SYNPR: variants seen among roughly 807,000 people sequenced by gnomAD.
SYNPR encodes the protein synaptoporin.
Under a neutral mutation model 32.9 loss-of-function variants are expected in SYNPR, and 23 were observed. The observed-to-expected ratio is 0.70, with a 90% CI of 0.50 to 0.99. The LOEUF is 0.99. Among genes scored for constraint, SYNPR ranks in the 50% least tolerant of loss-of-function variants. The pLI is 0.00. For missense variants in SYNPR, 318 were observed against 349.3 expected (o/e 0.91, Z 0.71); for synonymous variants, 146 against 135.9 (o/e 1.07, Z -0.52).
chr3:63,398,458 C>T (rs1025177378), intron 2 of SYNPR, among the ~76,000 whole-genome samples: 6 of 151,942 alleles, frequency 3.9e-5, no homozygotes, highest in Admixed American at 6.6e-5. Context: ...CGGTGGCTCA[C>T]GCCTGTAATC....
intron 3 of SYNPR, among the ~76,000 whole-genome samples, chr3:63,533,683 C>T (rs905129015): frequency 1.3e-5 from 2 of 152,144 alleles, no homozygotes; most frequent in African/African-American, 4.8e-5. Flanking sequence ...TAACAAATTG[C>T]TTCAATTTGT....
At chr3:63,226,771 A>G (rs539957654), upstream of SYNPR, among the ~76,000 whole-genome samples, 23 of 152,260 alleles carry the variant, frequency 1.5e-4, no homozygotes, top group East Asian at 4.4e-3. Flanking sequence ...TAGATAGAAG[A>G]AATAAGCTCT....
the SYNPR span, among the ~76,000 whole-genome samples, chr3:63,211,033 T>G: frequency 6.6e-6 from 1 of 152,140 alleles, no homozygotes; most frequent in African/African-American, 2.4e-5. Flanking sequence ...TAACTAGATT[T>G]GTTTCTATAA....
chr3:63,556,889 A>T lies in SYNPR; in HGVS notation c.408+148A>T, dbSNP rs1575709388. The T allele has an allele frequency of 2.9e-5, 23 of 800,298 alleles. No individual in the cohort carries two copies. In the East Asian group the frequency reaches 6.3e-4, roughly 22 times the overall value. 49.6% of individuals were successfully genotyped at this position (800,298 alleles called of 1,614,324 possible). The stretch of plus-strand genomic sequence containing the variant: ...TTTTATCCAAATCTCTCGAAGCCAC[A>T]ACAAAAACTGATGTCTGTCAATCTC... On this transcript the variant is annotated intron_variant, in intron 4 of 5. Transcript: ENST00000478300.
chr3:63,388,556 T>TTGTGTGTGTGTGTG (rs749669898), intron 2 of SYNPR, among the ~76,000 whole-genome samples: 1,692 of 128,028 alleles, frequency 0.013, 26 homozygotes, highest in African/African-American at 0.024. Context: ...CCCGGCTAAT[T>TTGTGTGTGTGTGTG]TGTGTGTGTG....
intron 3 of SYNPR, among the ~76,000 whole-genome samples, chr3:63,516,254 C>T (rs1481689307): frequency 2.0e-5 from 3 of 152,060 alleles, no homozygotes; most frequent in Non-Finnish European, 4.4e-5. Flanking sequence ...GAGTCTCTTG[C>T]CCCATCTTTG....
intron 3 of SYNPR, among the ~76,000 whole-genome samples, chr3:63,267,921 T>G (rs1416559662): frequency 1.3e-5 from 2 of 152,118 alleles, no homozygotes; most frequent in Non-Finnish European, 2.9e-5. Context: ...TATGGAAGTC[T>G]GAAAAAAAGC....
chr3:63,596,730 T>C (rs143272616), intron 4 of SYNPR, among the ~76,000 whole-genome samples: 37 of 152,256 alleles, frequency 2.4e-4, no homozygotes, highest in African/African-American at 4.3e-4. Flanking sequence ...TGGGATGGCT[T>C]AGCTTTGGAC....
At chr3:63,206,322 C>G in the SYNPR span, among the ~76,000 whole-genome samples, 14 of 152,222 alleles carry the variant, frequency 9.2e-5, no homozygotes, top group Admixed American at 9.2e-4. Context: ...AGAAAAATCA[C>G]ACAATATAGG....
chr3:63,234,358 G>A (rs968485654), intron 1 of SYNPR, among the ~76,000 whole-genome samples: 2 of 152,154 alleles, frequency 1.3e-5, no homozygotes, highest in Admixed American at 6.5e-5. Flanking sequence ...AGATTTGGGT[G>A]GGGACACAGC....
intron 3 of SYNPR, among the ~76,000 whole-genome samples, chr3:63,555,485 T>G (rs1702580646): frequency 6.6e-6 from 1 of 152,080 alleles, no homozygotes; most frequent in Non-Finnish European, 1.5e-5. Flanking sequence ...TTAGTTCCAG[T>G]TCACACCCTG....
At chr3:63,331,935 G>C (rs1225593729) in intron 2 of SYNPR, among the ~76,000 whole-genome samples, 1 of 152,140 alleles carries the variant, frequency 6.6e-6, no homozygotes, top group Admixed American at 6.5e-5. Context: ...CTTTCTAGTA[G>C]GCTAGATGGG....
chr3:63,238,381 C>A (rs551880541), intron 1 of SYNPR, among the ~76,000 whole-genome samples: 7 of 151,914 alleles, frequency 4.6e-5, no homozygotes, highest in Non-Finnish European at 1.0e-4. Flanking sequence ...TTTCTACCTG[C>A]CAGAGAGAAG....
intron 2 of SYNPR, among the ~76,000 whole-genome samples, chr3:63,332,197 T>G (rs750022318): frequency 3.3e-5 from 5 of 152,170 alleles, no homozygotes; most frequent in Non-Finnish European, 7.3e-5. Context: ...AGGCTGTAGT[T>G]CCCTGGGCTT....
chr3:63,391,314 T>C (rs1413836275), intron 2 of SYNPR, among the ~76,000 whole-genome samples: 1 of 152,210 alleles, frequency 6.6e-6, no homozygotes, highest in Non-Finnish European at 1.5e-5. Flanking sequence ...CTAAGTCTCA[T>C]ATAGCCATTT....
At chr3:63,454,010 A>C (rs1700431727) in intron 2 of SYNPR, among the ~76,000 whole-genome samples, 1 of 152,158 alleles carries the variant, frequency 6.6e-6, no homozygotes, top group African/African-American at 2.4e-5. Context: ...GTTTAATTTA[A>C]TTTAGCATAC....
intron 2 of SYNPR, among the ~76,000 whole-genome samples, chr3:63,398,552 A>G (rs1042883119): frequency 2.0e-5 from 3 of 151,200 alleles, no homozygotes; most frequent in Non-Finnish European, 4.4e-5. Context: ...ACTAAAAAAT[A>G]TTAAAAAAAA....
intron 2 of SYNPR, among the ~76,000 whole-genome samples, chr3:63,316,023 T>A (rs2087039750): frequency 6.6e-6 from 1 of 152,130 alleles, no homozygotes; most frequent in Non-Finnish European, 1.5e-5. Context: ...TTAATTCTGT[T>A]TATGTGGTGT....
intron 2 of SYNPR, among the ~76,000 whole-genome samples, chr3:63,260,337 TA>T (rs2086427306): frequency 3.3e-5 from 5 of 152,128 alleles, no homozygotes; most frequent in Admixed American, 3.3e-4. Flanking sequence ...AAGGCCACAG[TA>T]ACCAAAACAG....
Sources: gnomAD v4.1 joint callset for allele counts (sites outside exome capture counted in the v4.1 genomes callset) on GRCh38, gnomAD v4.1.1 for gene constraint, MANE v1.5 for transcripts, NCBI Gene and HGNC (gene_info 2026-07-23, HGNC 2026-07-21) for gene names.